ZNF329: variants seen among roughly 807,000 people sequenced by gnomAD.
The protein encoded by ZNF329 is zinc finger protein 329.
Under a neutral mutation model 26.6 loss-of-function variants are expected in ZNF329, and 15 were observed. That is an observed-to-expected ratio of 0.56 (90% confidence interval 0.38 to 0.87). The LOEUF (loss-of-function observed/expected upper bound fraction) is 0.87, where lower values mean the gene tolerates loss of function less well. ZNF329 is among the 40% of genes least tolerant of loss of function. The pLI is 0.00. For synonymous variants in ZNF329, 239 were observed against 233.5 expected (o/e 1.02, Z -0.21); for missense variants, 651 against 651.9 (o/e 1.00, Z 0.02).
At chr19:58,140,119 G>C (rs750420984) in intron 3 of ZNF329, among the ~76,000 whole-genome samples, 2 of 152,142 alleles carry the variant, frequency 1.3e-5, no homozygotes, top group Admixed American at 1.3e-4. Context: ...ACCAGGAGGG[G>C]TTTGGGTCAT....
chr19:58,127,852 T>A lies in ZNF329; in HGVS notation c.*26A>T. On this transcript the variant is annotated 3_prime_UTR_variant, in exon 4 of 4. Coordinates refer to ENST00000598312, the MANE Select transcript of ZNF329 (RefSeq NM_024620.4). ...CCTAAACACAGGAGTGAGAGTGAACTGGAAGACTCATGTGGCCCCCAACCA... is the reference window on the plus strand; with the variant it reads ...CCTAAACACAGGAGTGAGAGTGAACAGGAAGACTCATGTGGCCCCCAACCA... 6.4e-7 allele frequency: 1 copy of A among 1,552,970 alleles called. No individual in the cohort carries two copies. Among genetic ancestry groups the A allele is most frequent in the Non-Finnish European group, 8.7e-7 (1 of 1,148,758 alleles).
chr19:58,154,695 ACC>A (rs59523890), upstream of ZNF329: 1,930 of 133,428 alleles, frequency 0.014, 50 homozygotes, highest in African/African-American at 0.049. Flanking sequence ...CTCGCAGACC[ACC>A]CCCCCCCCCG....
intron 3 of ZNF329, among the ~76,000 whole-genome samples, chr19:58,133,150 C>G (rs2074986323): frequency 6.6e-6 from 1 of 152,210 alleles, no homozygotes; most frequent in Non-Finnish European, 1.5e-5. Flanking sequence ...GAAGAGAAAC[C>G]ACCAGTGAAT....
rs1308898282 is a variant in ZNF329, at chr19:58,130,324, A to AAAAAC, written c.-8-818_-8-814dup. Among the ~76,000 whole-genome samples, 6 of 152,008 alleles carry AAAAAC rather than the reference A, an allele frequency of 3.9e-5. No homozygotes were observed. The South Asian group carries it at 1.3e-3, about 32-fold the overall frequency. ...CGCGGCAGAGTGAGACTCCATCTCA[A>AAAAAC]AAAACAAAACAAAACAAAAACTGTC... On this transcript the variant is annotated intron_variant, in intron 3 of 3. Coordinates refer to ENST00000598312, the MANE Select transcript of ZNF329 (RefSeq NM_024620.4).
At chr19:58,131,191 G>A (rs942978305) in intron 3 of ZNF329, among the ~76,000 whole-genome samples, 1 of 151,900 alleles carries the variant, frequency 6.6e-6, no homozygotes, top group Non-Finnish European at 1.5e-5. Context: ...TAAAGTCAAA[G>A]TTTAAATAAT....
chr19:58,144,674 C>T (rs1447022641), intron 1 of ZNF329, among the ~76,000 whole-genome samples: 1 of 150,662 alleles, frequency 6.6e-6, no homozygotes, highest in Non-Finnish European at 1.5e-5. Flanking sequence ...CAGGCATGAG[C>T]CATGGCGCCC....
chr19:58,154,112 G>A (rs1053321460), upstream of ZNF329, among the ~76,000 whole-genome samples: 1 of 151,898 alleles, frequency 6.6e-6, no homozygotes, highest in East Asian at 1.9e-4. Flanking sequence ...CGGTTCAAGC[G>A]ATTCTCCTGT....
chr19:58,134,548 T>A (rs1359679166), intron 3 of ZNF329, among the ~76,000 whole-genome samples: 1 of 152,184 alleles, frequency 6.6e-6, no homozygotes, highest in East Asian at 1.9e-4. Context: ...GACAGGTGAA[T>A]GCCAAACAAA....
At chr19:58,133,710 G>C (rs1451710414) in intron 3 of ZNF329, among the ~76,000 whole-genome samples, 1 of 151,948 alleles carries the variant, frequency 6.6e-6, no homozygotes, top group African/African-American at 2.4e-5. Context: ...TGAATATGAT[G>C]AATGTGGGCT....
At chr19:58,144,581 G>T (rs2075264381) in intron 1 of ZNF329, among the ~76,000 whole-genome samples, 1 of 151,594 alleles carries the variant, frequency 6.6e-6, no homozygotes, top group South Asian at 2.1e-4. Context: ...TAGAGATGGG[G>T]TTTCACCAAG....
intron 1 of ZNF329, among the ~76,000 whole-genome samples, chr19:58,149,351 T>C (rs1262359316): frequency 6.6e-6 from 1 of 152,200 alleles, no homozygotes; most frequent in Non-Finnish European, 1.5e-5. Context: ...GCTTTCACTT[T>C]ACTCTATGGA....
chr19:58,149,537 C>T (rs1253473569), intron 1 of ZNF329, among the ~76,000 whole-genome samples: 1 of 152,088 alleles, frequency 6.6e-6, no homozygotes, highest in East Asian at 1.9e-4. Context: ...AAGTGTTAAA[C>T]TATTCCTGCA....
chr19:58,150,047 C>A (rs1013919192), intron 1 of ZNF329, among the ~76,000 whole-genome samples: 2 of 152,116 alleles, frequency 1.3e-5, no homozygotes, highest in African/African-American at 2.4e-5. Flanking sequence ...TCGTTCACTG[C>A]ACAAGTCTTT....
chr19:58,137,809 C>CAAAAAAAAAAAAAA (rs72295173), intron 3 of ZNF329, among the ~76,000 whole-genome samples: 20 of 76,252 alleles, frequency 2.6e-4, no homozygotes, highest in East Asian at 5.5e-4. Flanking sequence ...ACAAAAAATA[C>CAAAAAAAAAAAAAA]AAAAAAAAAA....
intron 1 of ZNF329, among the ~76,000 whole-genome samples, chr19:58,146,967 C>G (rs1345153378): frequency 6.6e-6 from 1 of 152,120 alleles, no homozygotes. Flanking sequence ...TCTGCCCGGC[C>G]GCCACCCTGT....
intron 1 of ZNF329, among the ~76,000 whole-genome samples, chr19:58,147,369 G>A (rs1177711595): frequency 3.3e-5 from 5 of 150,306 alleles, no homozygotes; most frequent in African/African-American, 9.9e-5. Flanking sequence ...CACCCCGTCT[G>A]GGAAGTGAGG....
upstream of ZNF329, among the ~76,000 whole-genome samples, chr19:58,152,100 TG>T (rs1417269620): frequency 2.0e-5 from 3 of 152,166 alleles, no homozygotes. Context: ...TGGAGCAACT[TG>T]GAAATCAATT....
Position 58,128,676 on chromosome 19 carries a change from C to A in ZNF329, c.828G>T (p.Gln276His). The change falls in exon 4 of 4, where the codon CAG (glutamine) becomes CAT (histidine). Residue 276 changes from glutamine (Q) to histidine (H), a missense_variant. Coordinates refer to ENST00000598312, the MANE Select transcript of ZNF329 (RefSeq NM_024620.4). ...KAFSDGSALTQHQRIHTGEKP... is the reference protein window; with the variant it reads ...KAFSDGSALTHHQRIHTGEKP... The stretch of plus-strand genomic sequence containing the variant: ...TCTCGCCTGTGTGAATTCTCTGGTG[C>A]TGTGTCAGAGCTGAGCCATCACTGA... The A allele has an allele frequency of 6.2e-7, 1 of 1,604,464 alleles. No individual in the cohort carries two copies.
At chr19:58,139,600 A>G (rs1404944916) in intron 3 of ZNF329, among the ~76,000 whole-genome samples, 2 of 152,284 alleles carry the variant, frequency 1.3e-5, no homozygotes, top group Middle Eastern at 3.4e-3. Flanking sequence ...TTCATTCAAA[A>G]AGGTTCTACC....
Sources: gnomAD v4.1 joint callset for allele counts (sites outside exome capture counted in the v4.1 genomes callset) on GRCh38, gnomAD v4.1.1 for gene constraint, MANE v1.5 for transcripts, NCBI Gene and HGNC (gene_info 2026-07-23, HGNC 2026-07-21) for gene names.